Variants in ZPBP observed in about 807,000 individuals in gnomAD.
ZPBP encodes zona pellucida binding protein.
Under a neutral mutation model 44.8 loss-of-function variants are expected in ZPBP, and 26 were observed. That is an observed-to-expected ratio of 0.58 (90% CI 0.43 to 0.81). The LOEUF (loss-of-function observed/expected upper bound fraction) is 0.81, where lower values mean the gene tolerates loss of function less well. Ranked by LOEUF, ZPBP falls within the 30% of genes least tolerant of loss-of-function variation. The pLI is 0.00. For missense variants in ZPBP, 409 were observed against 434.0 expected, an observed-to-expected ratio of 0.94 and a Z score of 0.51; for synonymous variants, 174 against 153.2, an observed-to-expected ratio of 1.14 and a Z score of -1.00.
chr7:50,080,353 G>A (rs1802296951), intron 3 of ZPBP, among the ~76,000 whole-genome samples: 1 of 151,596 alleles, frequency 6.6e-6, no homozygotes, highest in Admixed American at 6.6e-5. Context: ...AAAAACCAAT[G>A]TAGTAACAGG....
At chr7:50,014,986 T>A (rs1412737779) in intron 6 of ZPBP, among the ~76,000 whole-genome samples, 1 of 152,108 alleles carries the variant, frequency 6.6e-6, no homozygotes, top group Non-Finnish European at 1.5e-5. Context: ...GACAAATACA[T>A]CAAATAATTT....
At chr7:49,871,941 ACACACACACACACACACCG>A (rs1224636887) in intron 2 of ZPBP, among the ~76,000 whole-genome samples, 8 of 144,158 alleles carry the variant, frequency 5.5e-5, no homozygotes, top group Non-Finnish European at 1.1e-4. Context: ...ACACACACAC[ACACACACACACACACACCG>A]AGAAAGAGAG....
At chr7:50,032,691 C>T (rs536465200) in intron 4 of ZPBP, among the ~76,000 whole-genome samples, 24 of 152,322 alleles carry the variant, frequency 1.6e-4, no homozygotes, top group Non-Finnish European at 2.9e-4. Flanking sequence ...TTAACCGATG[C>T]ACTGAACATC....
downstream of ZPBP, among the ~76,000 whole-genome samples, chr7:49,849,558 C>T (rs1790092298): frequency 6.6e-6 from 1 of 152,200 alleles, no homozygotes; most frequent in Non-Finnish European, 1.5e-5. Flanking sequence ...TTCAGCCCTT[C>T]TACACACACA....
At chr7:49,843,067 T>C in the ZPBP span, among the ~76,000 whole-genome samples, 1 of 152,262 alleles carries the variant, frequency 6.6e-6, no homozygotes, top group Non-Finnish European at 1.5e-5. Flanking sequence ...AGTCGCTGCA[T>C]TGCCCTCCTG....
chr7:49,996,669 T>G (rs1055735766), intron 6 of ZPBP, among the ~76,000 whole-genome samples: 4 of 152,194 alleles, frequency 2.6e-5, no homozygotes, highest in Non-Finnish European at 2.9e-5. Context: ...AGGAACTGAT[T>G]GAGGTGACTT....
chr7:50,018,354 T>C (rs1220783625), intron 5 of ZPBP, 38 bp from the exon 6 acceptor site: 1 of 1,392,156 alleles, frequency 7.2e-7, no homozygotes, highest in Non-Finnish European at 1.0e-6. Flanking sequence ...GGGTATAATG[T>C]ATTCTGTCAC....
intron 2 of ZPBP, among the ~76,000 whole-genome samples, chr7:49,856,519 A>G (rs985557323): frequency 6.6e-6 from 1 of 152,104 alleles, no homozygotes; most frequent in African/African-American, 2.4e-5. Context: ...AACAACACAA[A>G]ATGGACGAAT....
intron 7 of ZPBP, among the ~76,000 whole-genome samples, chr7:49,973,451 C>T (rs1796379830): frequency 6.6e-6 from 1 of 151,826 alleles, no homozygotes; most frequent in South Asian, 2.1e-4. Flanking sequence ...ATCTGATAAG[C>T]TATTAATGTC....
At chr7:50,019,734 A>T (rs1799000015) in intron 5 of ZPBP, among the ~76,000 whole-genome samples, 1 of 152,106 alleles carries the variant, frequency 6.6e-6, no homozygotes, top group African/African-American at 2.4e-5. Context: ...CACTCTTGCC[A>T]TCTGAGTTGA....
At chr7:50,092,093 A>G (rs930496653) in intron 1 of ZPBP, among the ~76,000 whole-genome samples, 1 of 152,158 alleles carries the variant, frequency 6.6e-6, no homozygotes, top group Non-Finnish European at 1.5e-5. Context: ...TGCTTATTCT[A>G]TTTCTTATAT....
At position 50,018,274 on chromosome 7, in the gene ZPBP, T is replaced by G. The variant is rs200936717; in HGVS notation, c.749A>C (p.Asp250Ala). The stretch of plus-strand genomic sequence containing the variant: ...TCTTTTGTAAGGTTCACAGTTATGG[T>G]CTGTACATCGCTTGGGTCCTTTTTC... ...DTEKGPKRCT[D>A]HNCEPYKRLF... The change falls in exon 6 of 8, where the codon GAC becomes GCC. Residue 250 changes from aspartate to alanine, a missense_variant. Transcript: ENST00000046087. 1.2e-6 allele frequency: 2 copies of G among 1,610,880 alleles called. No homozygotes were observed. Among genetic ancestry groups the G allele is most frequent in the Non-Finnish European group, 1.7e-6 (2 of 1,178,866 alleles).
At chr7:50,035,718 C>T (rs1799798538) in intron 4 of ZPBP, among the ~76,000 whole-genome samples, 1 of 152,004 alleles carries the variant, frequency 6.6e-6, no homozygotes, top group Non-Finnish European at 1.5e-5. Flanking sequence ...TTTACACCCA[C>T]TATATAGATT....
intron 3 of ZPBP, among the ~76,000 whole-genome samples, chr7:50,071,790 T>TA (rs1185342824): frequency 2.0e-5 from 3 of 150,856 alleles, no homozygotes; most frequent in South Asian, 2.1e-4. Flanking sequence ...CCTGCTGCCT[T>TA]AAAAAAAAAG....
At chr7:50,004,941 A>G (rs1798238806) in intron 6 of ZPBP, among the ~76,000 whole-genome samples, 1 of 152,006 alleles carries the variant, frequency 6.6e-6, no homozygotes, top group Non-Finnish European at 1.5e-5. Flanking sequence ...CCACAAAAAT[A>G]CATAAAGCTC....
rs190234843 is a variant in ZPBP at position 49,955,064 on chromosome 7, T to C, written c.962-17442A>G. Among the ~76,000 whole-genome samples, 267 of 152,236 alleles carry C rather than the reference T, an allele frequency of 1.8e-3. 3 individuals carry two copies. Among genetic ancestry groups the C allele is most frequent in the African/African-American group, 6.0e-3 (250 of 41,550 alleles). On this transcript the variant is annotated intron_variant, in intron 7 of 7. Transcript: ENST00000046087. Reference sequence around the variant, plus strand: ...CCAGATATATGAAAGTTAAACAACATACTAATGAATAAGACCTGGGCCAAA... The same window carrying C: ...CCAGATATATGAAAGTTAAACAACACACTAATGAATAAGACCTGGGCCAAA...
At chr7:49,958,665 G>C (rs1015214593) in intron 7 of ZPBP, among the ~76,000 whole-genome samples, 1 of 152,164 alleles carries the variant, frequency 6.6e-6, no homozygotes, top group African/African-American at 2.4e-5. Context: ...ACAAATTATG[G>C]AGTCTGTGGT....
At chr7:49,865,197 G>C (rs1188472154) in intron 2 of ZPBP, among the ~76,000 whole-genome samples, 6 of 152,214 alleles carry the variant, frequency 3.9e-5, no homozygotes, top group Non-Finnish European at 5.9e-5. Flanking sequence ...GTGCAGTTCA[G>C]TTGTTTGTGT....
chr7:49,974,849 G>A (rs1383715780), intron 7 of ZPBP, among the ~76,000 whole-genome samples: 1 of 62 alleles, frequency 0.016, no homozygotes, highest in African/African-American at 0.071. Context: ...AGATCTGATG[G>A]GGGTCAGGGA....
Sources: allele counts gnomAD v4.1 joint callset (sites outside exome capture counted in the v4.1 genomes callset), GRCh38; gene constraint gnomAD v4.1.1; transcripts MANE v1.5; gene names NCBI Gene and HGNC (gene_info 2026-07-23, HGNC 2026-07-21).